Variants in FBXO43 observed in about 807,000 individuals in gnomAD.
FBXO43 encodes F-box protein 43.
Under a neutral mutation model 56.7 loss-of-function variants are expected in FBXO43, and 22 were observed. The observed-to-expected ratio is 0.39, with a 90% confidence interval of 0.28 to 0.55. The LOEUF is 0.55. Ranked by LOEUF, FBXO43 falls within the 20% of genes least tolerant of loss-of-function variation. The probability of loss-of-function intolerance (pLI) is 0.66; values close to 1 mark genes in which losing one functional copy is unlikely to be tolerated. For missense variants in FBXO43, 733 were observed against 814.9 expected, an observed-to-expected ratio of 0.90 and a Z score of 1.22; for synonymous variants, 306 against 294.5, an observed-to-expected ratio of 1.04 and a Z score of -0.40.
At chr8:100,140,615 C>A (rs962237283) in intron 2 of FBXO43, 68 bp downstream of exon 2, 82 of 1,251,308 alleles carry the variant, frequency 6.6e-5, no homozygotes, top group Middle Eastern at 2.8e-4. Flanking sequence ...GACAACCACT[C>A]AAGTCACAGA....
chr8:100,148,932 A>G (rs535077860), upstream of FBXO43, among the ~76,000 whole-genome samples: 4 of 152,356 alleles, frequency 2.6e-5, no homozygotes, highest in African/African-American at 9.6e-5. Flanking sequence ...AAAAATAGCA[A>G]CTTGCATCTC....
intron 1 of FBXO43, among the ~76,000 whole-genome samples, chr8:100,144,787 C>A (rs1248105535): frequency 6.6e-6 from 1 of 151,720 alleles, no homozygotes; most frequent in Non-Finnish European, 1.5e-5. Flanking sequence ...AAAAAATTAT[C>A]CGGGCGTGGT....
Position 100,141,156 on chromosome 8 carries a change from G to C in FBXO43, c.1098C>G (p.Pro366=). 1 of 1,614,134 alleles carries C rather than the reference G, an allele frequency of 6.2e-7. No homozygotes were observed. The highest frequency in any genetic ancestry group is 8.5e-7 in the Non-Finnish European group (1 of 1,180,024). The change falls in exon 2 of 5, where the codon CCC becomes CCG. Residue 366 remains proline, a synonymous_variant. Transcript: ENST00000428847. ...TCTTTCTTATGGTGTCCCCAACTTT[G>C]GGAGTCCCCTTATGTTTCTGCAGTA... ...QELLQKHKGT[P]KVGDTIRKTR...
chr8:100,140,645 AAAG>A (rs1241513069), intron 2 of FBXO43, 35 bp downstream of exon 2: 15 of 1,507,846 alleles, frequency 9.9e-6, no homozygotes, highest in Non-Finnish European at 1.2e-5. Flanking sequence ...CAACTTAAAA[AAAG>A]AAGTTTTATT....
chr8:100,150,552 T>A (rs1328807523), upstream of FBXO43: 1 of 152,228 alleles, frequency 6.6e-6, no homozygotes, highest in Non-Finnish European at 1.5e-5. Flanking sequence ...GCCATCCGGG[T>A]TGTCTGGCCA....
chr8:100,139,319 G>A (rs928660723), intron 2 of FBXO43, among the ~76,000 whole-genome samples: 3 of 151,510 alleles, frequency 2.0e-5, no homozygotes, highest in Non-Finnish European at 2.9e-5. Flanking sequence ...AACAGAACAG[G>A]CAGTGGCTCA....
chr8:100,141,092 G>A lies in FBXO43; in HGVS notation c.1162C>T (p.Arg388Trp), dbSNP rs549146365. 20 of 1,614,008 alleles carry A rather than the reference G, an allele frequency of 1.2e-5. No homozygotes were observed. The highest frequency in any genetic ancestry group is 2.2e-5 in the East Asian group (1 of 44,898). The change falls in exon 2 of 5, where the codon CGG becomes TGG. Residue 388 changes from arginine (R) to tryptophan (W), a missense_variant. Transcript: ENST00000428847. ...LGRSRRLSTL[R>W]EQSSQSETEE... is the part of the protein sequence containing the mutation. ...GTCTCTGACTGCGAGCTTTGTTCCC[G>A]AAGGGTGGACAGTCTTCTCGACCTT...
chr8:100,139,025 C>A (rs561223400), intron 2 of FBXO43, among the ~76,000 whole-genome samples: 1 of 152,294 alleles, frequency 6.6e-6, no homozygotes, highest in Non-Finnish European at 1.5e-5. Flanking sequence ...TTGATCAAAT[C>A]TATTCCAGAA....
chr8:100,133,654 C>CTAATAAAGAAAGCTA lies in FBXO43; in HGVS notation c.*147_*148insTAGCTTTCTTTATTA. The stretch of plus-strand genomic sequence containing the variant: ...TTTTTCAAAACAACTTTAAAGAAAA[C>CTAATAAAGAAAGCTA]ATACAATGACATCGATTATAATATA... On this transcript the variant is annotated 3_prime_UTR_variant, in exon 5 of 5. Transcript: ENST00000428847. The CTAATAAAGAAAGCTA allele has an allele frequency of 1.1e-6, 1 of 909,674 alleles. No individual in the cohort carries two copies. Among genetic ancestry groups the CTAATAAAGAAAGCTA allele is most frequent in the African/African-American group, 1.7e-5 (1 of 58,518 alleles). The allele number at this position is 909,674 out of a possible 1,614,324, so 56.4% of individuals were successfully genotyped here.
upstream of FBXO43, among the ~76,000 whole-genome samples, chr8:100,148,246 A>G (rs1255782105): frequency 1.7e-5 from 1 of 59,514 alleles, no homozygotes; most frequent in Non-Finnish European, 3.5e-5. Context: ...GAAAGACTAT[A>G]TCATATCTCC....
In FBXO43 at chr8:100,137,622, A is replaced by G. The variant is rs774028930; in HGVS notation, c.1617T>C (p.Asp539=). ...ATTTCCTCCTCCGATTTGCATTTTT[A>G]TCTTGAACAACAATTTCACGCCAAT... The part of the protein sequence containing the change: ...SRNWREIVVQ[D]KNANRRRKFY... The change falls in exon 3 of 5, where the codon GAT becomes GAC. Residue 539 remains aspartate, a synonymous_variant. Transcript: ENST00000428847. 1.9e-5 allele frequency: 30 copies of G among 1,613,110 alleles called. No individual in the cohort carries two copies. The highest frequency in any genetic ancestry group is 2.5e-5 in the Non-Finnish European group (30 of 1,179,714).
chr8:100,141,265 G>GTT lies in FBXO43; in HGVS notation c.987_988dup (p.Thr330LysfsTer44). 6.2e-7 allele frequency: 1 copy of GTT among 1,614,092 alleles called. No individual in the cohort carries two copies. The highest frequency in any genetic ancestry group is 8.5e-7 in the Non-Finnish European group (1 of 1,179,974). Reference sequence around the variant, plus strand: ...TGAGTTAAAACCACTGTCTTCAGGCGTTGAAATACTGCCTCTCACTTCAGG... The same window carrying GTT: ...TGAGTTAAAACCACTGTCTTCAGGCGTTTTGAAATACTGCCTCTCACTTCAGG... On this transcript the variant is annotated frameshift_variant, in exon 2 of 5. Transcript: ENST00000428847. LOFTEE classifies it high-confidence loss of function.
upstream of FBXO43, among the ~76,000 whole-genome samples, chr8:100,147,304 C>A (rs116961284): frequency 2.8e-4 from 42 of 152,320 alleles, no homozygotes; most frequent in East Asian, 8.1e-3. Flanking sequence ...AAAGAAGAAC[C>A]AGCTAACTCT....
intron 3 of FBXO43, among the ~76,000 whole-genome samples, chr8:100,136,505 T>C (rs1198095865): frequency 1.3e-5 from 2 of 152,214 alleles, no homozygotes; most frequent in Admixed American, 1.3e-4. Context: ...TTACACAAAA[T>C]AGCATGCCTG....
rs1015729595 is a variant in FBXO43, at chr8:100,141,096, G to A, written c.1158C>T (p.Thr386=). 6.2e-7 allele frequency: 1 copy of A among 1,614,050 alleles called. No homozygotes were observed. The highest frequency in any genetic ancestry group is 1.7e-5 in the Admixed American group (1 of 59,986). The part of the protein sequence containing the change: ...RHLGRSRRLS[T]LREQSSQSET... The stretch of plus-strand genomic sequence containing the variant: ...CTGACTGCGAGCTTTGTTCCCGAAG[G>A]GTGGACAGTCTTCTCGACCTTCCAA... The change falls in exon 2 of 5, where the codon ACC becomes ACT. Residue 386 remains threonine (T), a synonymous_variant. Transcript: ENST00000428847.
chr8:100,145,356 G>A lies in FBXO43; in HGVS notation c.-221C>T, dbSNP rs1379742622. Reference sequence around the variant, plus strand: ...TTTCTCCAGCTGGACTTAGACATGAGTAAACTTCCCAAATTCGGGTTCCTG... The same window carrying A: ...TTTCTCCAGCTGGACTTAGACATGAATAAACTTCCCAAATTCGGGTTCCTG... On this transcript the variant is annotated 5_prime_UTR_variant, in exon 1 of 5. Transcript: ENST00000428847. 5 of 401,500 alleles carry A rather than the reference G, an allele frequency of 1.2e-5. No individual in the cohort carries two copies. Among genetic ancestry groups the A allele is most frequent in the Non-Finnish European group, 2.2e-5 (5 of 226,088 alleles). 24.9% of individuals were successfully genotyped at this position (401,500 alleles called of 1,614,324 possible). A position where few individuals can be genotyped will look rare whatever the true frequency, so the allele number is the denominator to read the frequency against.
Position 100,141,651 on chromosome 8 carries a change from A to T in FBXO43, c.603T>A (p.Asn201Lys), listed in dbSNP as rs758834333. Residue 201 changes from asparagine to lysine, a missense_variant, in exon 2 of 5, where the codon AAT (asparagine) becomes AAA (lysine). Asn to Lys is a moderately conservative substitution (Grantham distance 94). Coordinates refer to ENST00000428847, the MANE Select transcript of FBXO43 (RefSeq NM_001029860.4). ...TGCTAGTAACTAAAGGGCTAAAATTATTTGCCCTGGAAAAACCTGAAGCAC... is the reference window on the plus strand; with the variant it reads ...TGCTAGTAACTAAAGGGCTAAAATTTTTTGCCCTGGAAAAACCTGAAGCAC... The part of the protein sequence containing the change: ...PSSASGFSRA[N>K]NFSPLVTSTL... The T allele has an allele frequency of 6.2e-7, 1 of 1,613,142 alleles. No individual in the cohort carries two copies.
intron 2 of FBXO43, 56 bp from the exon 3 acceptor site, chr8:100,137,723 G>A: frequency 7.8e-7 from 1 of 1,281,332 alleles, no homozygotes; most frequent in Non-Finnish European, 1.1e-6. Flanking sequence ...TTAACATTTT[G>A]TTGTATACGC....
intron 2 of FBXO43, 143 bp downstream of exon 2, chr8:100,140,540 G>A (rs1486904599): frequency 6.0e-6 from 4 of 663,662 alleles, no homozygotes; most frequent in East Asian, 2.8e-5. Context: ...GCTCTGTTGG[G>A]ACGTTCACTT....
Sources: allele counts gnomAD v4.1 joint callset (sites outside exome capture counted in the v4.1 genomes callset), GRCh38; gene constraint gnomAD v4.1.1; transcripts MANE v1.5; gene names NCBI Gene and HGNC (gene_info 2026-07-23, HGNC 2026-07-21).